Variants in HIGD1C observed in about 807,000 individuals in gnomAD.
The protein encoded by HIGD1C is HIG1 hypoxia inducible domain family member 1C, also known as HIG1 domain family member 1C.
HIGD1C carries 11 observed loss-of-function variants against 13.1 expected under a neutral mutation model. The observed-to-expected ratio is 0.84, with a 90% CI of 0.53 to 1.39. HIGD1C has a LOEUF of 1.39. HIGD1C is among the 40% of genes most tolerant of loss of function. The pLI is 0.00. For synonymous variants in HIGD1C, 36 were observed against 37.7 expected, an observed-to-expected ratio of 0.95 and a Z score of 0.17; for missense variants, 110 against 112.0, an observed-to-expected ratio of 0.98 and a Z score of 0.08.
intron 2 of HIGD1C, among the ~76,000 whole-genome samples, chr12:50,970,195 A>T (rs1296913487): frequency 6.6e-6 from 1 of 152,186 alleles, no homozygotes; most frequent in Non-Finnish European, 1.5e-5. Flanking sequence ...ACATTTCACC[A>T]ATATTTTGGT....
downstream of HIGD1C, among the ~76,000 whole-genome samples, chr12:50,971,518 C>T (rs1939760599): frequency 6.6e-6 from 1 of 152,144 alleles, no homozygotes; most frequent in Admixed American, 6.5e-5. Context: ...AGTGCTAATG[C>T]TAATGTGGTA....
chr12:50,950,115 A>T (rs1413234632), upstream of HIGD1C, among the ~76,000 whole-genome samples: 1 of 152,156 alleles, frequency 6.6e-6, no homozygotes, highest in Non-Finnish European at 1.5e-5. Context: ...GGGTGACAGG[A>T]CCAAGGCACA....
At chr12:50,933,114 CTG>C in the HIGD1C span, among the ~76,000 whole-genome samples, 1 of 152,146 alleles carries the variant, frequency 6.6e-6, no homozygotes. Context: ...TCAGAGAAAA[CTG>C]AGGTGTAGAG....
chr12:50,953,227 GAGAC>G (rs1374374689), upstream of HIGD1C, among the ~76,000 whole-genome samples: 2 of 152,188 alleles, frequency 1.3e-5, no homozygotes, highest in Non-Finnish European at 2.9e-5. Flanking sequence ...GGAACAACAG[GAGAC>G]AGACAGCAGG....
At chr12:50,933,514 A>T in the HIGD1C span, among the ~76,000 whole-genome samples, 2 of 152,246 alleles carry the variant, frequency 1.3e-5, no homozygotes, top group African/African-American at 4.8e-5. Flanking sequence ...CAGGGCTCAG[A>T]TAATGTTATC....
upstream of HIGD1C, chr12:50,949,336 CT>C: frequency 6.5e-6 from 1 of 152,816 alleles, no homozygotes; most frequent in African/African-American, 2.4e-5. Flanking sequence ...ACACTGAGCT[CT>C]GCAATGCCTT....
At chr12:50,941,511 C>T in the HIGD1C span, among the ~76,000 whole-genome samples, 1 of 152,062 alleles carries the variant, frequency 6.6e-6, no homozygotes, top group African/African-American at 2.4e-5. Context: ...CCATCTAATG[C>T]CAATTCTTAA....
rs1305069133 is a variant in HIGD1C at position 50,960,952 on chromosome 12, C to T, written c.95-16C>T. On this transcript the variant is annotated splice_polypyrimidine_tract_variant and intron_variant, in intron 1 of 2. Transcript: ENST00000398455. The stretch of plus-strand genomic sequence containing the variant: ...GCCTCAGCCTTCCAAATAACCCATA[C>T]TTTTAAAATTCACAGGTATAGCAGG... The T allele has an allele frequency of 1.0e-5, 16 of 1,550,582 alleles. No individual in the cohort carries two copies. The highest frequency in any genetic ancestry group is 1.3e-5 in the Non-Finnish European group (15 of 1,145,934).
chr12:50,951,765 C>CA (rs34930387), upstream of HIGD1C, among the ~76,000 whole-genome samples: 23,372 of 151,276 alleles, frequency 0.15, 1,972 homozygotes, highest in South Asian at 0.26. Context: ...ACTAAAAATA[C>CA]AAAAAAATTA....
chr12:50,943,027 A>C, the HIGD1C span, among the ~76,000 whole-genome samples: 2 of 151,574 alleles, frequency 1.3e-5, no homozygotes, highest in South Asian at 4.2e-4. Flanking sequence ...CACCACGCCC[A>C]GCTAATTTTT....
At chr12:50,963,965 A>C (rs1321205910) in intron 2 of HIGD1C, among the ~76,000 whole-genome samples, 1 of 152,206 alleles carries the variant, frequency 6.6e-6, no homozygotes, top group South Asian at 2.1e-4. Flanking sequence ...ATCCAAAAGC[A>C]TGCTAGTTAT....
downstream of HIGD1C, among the ~76,000 whole-genome samples, chr12:50,972,460 G>T (rs998107199): frequency 2.6e-5 from 4 of 152,356 alleles, no homozygotes; most frequent in Admixed American, 2.6e-4. Flanking sequence ...AAGGAAAGTG[G>T]TCACAATCGA....
At chr12:50,938,020 C>A in the HIGD1C span, among the ~76,000 whole-genome samples, 1 of 152,126 alleles carries the variant, frequency 6.6e-6, no homozygotes, top group Non-Finnish European at 1.5e-5. Context: ...GGCAGCCTGG[C>A]CCCCCAACCT....
At chr12:50,936,912 A>G in the HIGD1C span, among the ~76,000 whole-genome samples, 1 of 152,220 alleles carries the variant, frequency 6.6e-6, no homozygotes, top group Admixed American at 6.5e-5. Context: ...TTATTTAAGG[A>G]TCAGATAAAG....
intron 1 of HIGD1C, among the ~76,000 whole-genome samples, chr12:50,955,487 T>C (rs1479697897): frequency 6.6e-6 from 1 of 152,238 alleles, no homozygotes; most frequent in Non-Finnish European, 1.5e-5. Flanking sequence ...TTCCTTGTGT[T>C]CATTTTGTCT....
At chr12:50,941,005 C>T in the HIGD1C span, among the ~76,000 whole-genome samples, 24,090 of 151,668 alleles carry the variant, frequency 0.16, 2,059 homozygotes, top group South Asian at 0.27. Flanking sequence ...CCACCATGCC[C>T]GGCTAATTTA....
At chr12:50,959,523 T>A (rs1055730109) in intron 1 of HIGD1C, among the ~76,000 whole-genome samples, 7 of 152,234 alleles carry the variant, frequency 4.6e-5, no homozygotes, top group African/African-American at 9.6e-5. Context: ...TATCCAAAAA[T>A]TTTTTTTCAG....
chr12:50,950,467 G>A (rs184593487), upstream of HIGD1C, among the ~76,000 whole-genome samples: 2 of 152,050 alleles, frequency 1.3e-5, no homozygotes, highest in Non-Finnish European at 2.9e-5. Flanking sequence ...AAATAGAGAA[G>A]AAAGAAAAGC....
intron 2 of HIGD1C, among the ~76,000 whole-genome samples, chr12:50,964,039 T>C (rs1407258164): frequency 9.9e-5 from 15 of 152,208 alleles, no homozygotes. Flanking sequence ...CTCTTTGAGC[T>C]GAATCACATT....
Sources: gnomAD v4.1 joint callset for allele counts (sites outside exome capture counted in the v4.1 genomes callset) on GRCh38, gnomAD v4.1.1 for gene constraint, MANE v1.5 for transcripts, NCBI Gene and HGNC (gene_info 2026-07-23, HGNC 2026-07-21) for gene names.